The following XKR6 variants were observed in gnomAD, a reference collection of about 807,000 sequenced individuals.
The protein encoded by XKR6 is XK related 6.
In XKR6, 22 loss-of-function variants were observed where a neutral mutation model predicts 56.7. The ratio of observed to expected loss-of-function variants is 0.39; its 90% CI spans 0.28 to 0.55. The LOEUF is 0.55. Among genes scored for constraint, XKR6 ranks in the 20% least tolerant of loss-of-function variants. The pLI is 0.66. For missense variants in XKR6, 852 were observed against 889.0 expected, an observed-to-expected ratio of 0.96 and a Z score of 0.53; for synonymous variants, 524 against 387.8, an observed-to-expected ratio of 1.35 and a Z score of -4.13.
At chr8:11,113,527 TAAAC>T (rs557000043) in intron 1 of XKR6, among the ~76,000 whole-genome samples, 58 of 151,794 alleles carry the variant, frequency 3.8e-4, no homozygotes, top group Non-Finnish European at 5.9e-4. Flanking sequence ...AAAAGTAAAA[TAAAC>T]AAACACACAC....
intron 1 of XKR6, among the ~76,000 whole-genome samples, chr8:10,929,772 G>A (rs1029782642): frequency 6.6e-6 from 1 of 152,210 alleles, no homozygotes; most frequent in Admixed American, 6.5e-5. Flanking sequence ...ATGCCTGTGA[G>A]CACAGACAGG....
intron 1 of XKR6, among the ~76,000 whole-genome samples, chr8:11,118,529 C>T (rs1320870613): frequency 9.2e-5 from 14 of 152,244 alleles, no homozygotes; most frequent in African/African-American, 3.1e-4. Flanking sequence ...TTCCTGGTTT[C>T]GTCCTGGGAG....
intron 2 of XKR6, among the ~76,000 whole-genome samples, chr8:10,907,398 A>T (rs1472062185): frequency 2.6e-5 from 4 of 152,178 alleles, no homozygotes; most frequent in Admixed American, 6.5e-5. Context: ...TAGTAAGTTC[A>T]ATAACAGTGA....
Position 11,043,084 on chromosome 8 carries a change from G to A in XKR6, c.765-118254C>T, listed in dbSNP as rs73543304. Among the ~76,000 whole-genome samples the A allele has an allele frequency of 4.6e-3, 706 of 152,262 alleles. 3 individuals carry two copies. The highest frequency in any genetic ancestry group is 0.016 in the African/African-American group (645 of 41,538). On this transcript the variant is annotated intron_variant, in intron 1 of 2. Coordinates refer to ENST00000416569, the MANE Select transcript of XKR6 (RefSeq NM_173683.4). ...GGTCCTGGTTGGAGACCTCCACAGA[G>A]TACTCAGAACACGCAGGGCTCCCTA... is the stretch of plus-strand genomic sequence containing the variant.
At chr8:11,011,660 G>A (rs1798501370) in intron 1 of XKR6, among the ~76,000 whole-genome samples, 1 of 152,328 alleles carries the variant, frequency 6.6e-6, no homozygotes, top group East Asian at 1.9e-4. Flanking sequence ...TGCAGAGAAG[G>A]ATAGAGCAGG....
chr8:11,066,015 CT>C (rs766099847), intron 1 of XKR6, among the ~76,000 whole-genome samples: 1 of 152,252 alleles, frequency 6.6e-6, no homozygotes, highest in Non-Finnish European at 1.5e-5. Flanking sequence ...GCTCTGCATT[CT>C]CTGAAGTCCC....
rs769476186 is a variant in XKR6 at position 10,898,247 on chromosome 8, G to C, written c.1631C>G (p.Thr544Ser). ...CTCCTGTTGTTCCGTTACGGCTCTG[G>C]TGGGCGTAACCTGGGTCCCCCGGTA... is the stretch of plus-strand genomic sequence containing the variant. ...PGYRGTQVTP[T>S]RAVTEQQEDL... The change falls in exon 3 of 3, where the codon ACC becomes AGC. Residue 544 changes from threonine (T) to serine (S), a missense_variant. Coordinates refer to ENST00000416569, the MANE Select transcript of XKR6 (RefSeq NM_173683.4). This position sits in a 1 kb window ranked among gnomAD's most constrained non-coding sequence, Gnocchi z 6.6. 1.9e-6 allele frequency: 3 copies of C among 1,614,150 alleles called. No homozygotes were observed. Among genetic ancestry groups the C allele is most frequent in the Non-Finnish European group, 2.5e-6 (3 of 1,180,014 alleles).
At chr8:10,941,666 C>T (rs1366857070) in intron 1 of XKR6, among the ~76,000 whole-genome samples, 1 of 152,206 alleles carries the variant, frequency 6.6e-6, no homozygotes, top group African/African-American at 2.4e-5. Context: ...TCAGCCCCAG[C>T]CTCCTGACCT....
intron 1 of XKR6, among the ~76,000 whole-genome samples, chr8:11,178,873 G>A (rs1180342557): frequency 6.6e-6 from 1 of 151,240 alleles, no homozygotes; most frequent in East Asian, 1.9e-4. Context: ...TCTCACTCAG[G>A]CACCCAGGTT....
chr8:11,023,897 C>T (rs546330769), intron 1 of XKR6, among the ~76,000 whole-genome samples: 2 of 152,232 alleles, frequency 1.3e-5, no homozygotes, highest in South Asian at 4.1e-4. Flanking sequence ...CCAAAGACTC[C>T]GGAATGAGGA....
chr8:10,939,043 C>T lies in XKR6; in HGVS notation c.765-14213G>A, dbSNP rs552403233. 4.0e-4 allele frequency among the ~76,000 whole-genome samples: 61 copies of T among 152,278 alleles called. 1 individual carries two copies. Among genetic ancestry groups the T allele is most frequent in the African/African-American group, 1.4e-3 (57 of 41,532 alleles). The stretch of plus-strand genomic sequence containing the variant: ...GTCCCCGAACACTATCTGCAAGGAC[C>T]TTTTCCTGCTTCTCCCAGGACCTGC... On this transcript the variant is annotated intron_variant, in intron 1 of 2. Transcript: ENST00000416569.
At chr8:11,115,520 T>C (rs540201649) in intron 1 of XKR6, among the ~76,000 whole-genome samples, 6 of 152,368 alleles carry the variant, frequency 3.9e-5, no homozygotes, top group African/African-American at 1.2e-4. Context: ...CATTAAATAT[T>C]ATTCATAAAT....
chr8:10,940,644 C>G (rs990813766), intron 1 of XKR6, among the ~76,000 whole-genome samples: 1 of 152,200 alleles, frequency 6.6e-6, no homozygotes. Context: ...CACCCTCCTC[C>G]TGGGGCTCCC....
intron 1 of XKR6, among the ~76,000 whole-genome samples, chr8:10,950,759 G>A (rs927701505): frequency 6.6e-6 from 1 of 152,198 alleles, no homozygotes; most frequent in African/African-American, 2.4e-5. Context: ...CCCTTGGCTT[G>A]CTGGCCAAAC....
intron 1 of XKR6, among the ~76,000 whole-genome samples, chr8:11,061,073 T>C (rs1799821675): frequency 6.6e-6 from 1 of 152,138 alleles, no homozygotes; most frequent in East Asian, 1.9e-4. Flanking sequence ...GTCTGCCAGC[T>C]CTGGATGAAA....
intron 1 of XKR6, among the ~76,000 whole-genome samples, chr8:10,956,670 A>AGCGGCT (rs1554515454): frequency 2.6e-5 from 4 of 152,016 alleles, no homozygotes; most frequent in African/African-American, 9.7e-5. Flanking sequence ...TTAGGAGAAC[A>AGCGGCT]GCGGATGTCA....
rs553645400 is a variant in XKR6, at chr8:10,942,129, C to G, written c.765-17299G>C. 6.6e-5 allele frequency among the ~76,000 whole-genome samples: 10 copies of G among 152,278 alleles called. 1 individual carries two copies. The Middle Eastern group carries it at 0.01, about 155-fold the overall frequency. ...TCTCACACATACACACAACCGCACC[C>G]ATACACACACCTCCCACATGAACAC... On this transcript the variant is annotated intron_variant, in intron 1 of 2. Coordinates refer to ENST00000416569, the MANE Select transcript of XKR6 (RefSeq NM_173683.4).
intron 1 of XKR6, among the ~76,000 whole-genome samples, chr8:11,103,044 T>C (rs533634593): frequency 1.2e-4 from 18 of 152,208 alleles, no homozygotes; most frequent in Non-Finnish European, 1.9e-4. Context: ...TGCCAGAATT[T>C]AAGATTGATA....
At chr8:10,939,710 A>T (rs536902324) in intron 1 of XKR6, among the ~76,000 whole-genome samples, 1 of 152,342 alleles carries the variant, frequency 6.6e-6, no homozygotes, top group East Asian at 1.9e-4. Flanking sequence ...TCCTGCCCTA[A>T]TGCAGAGCTC....
Sources: allele counts gnomAD v4.1 joint callset (sites outside exome capture counted in the v4.1 genomes callset), GRCh38; gene constraint gnomAD v4.1.1; non-coding constraint Gnocchi (gnomAD v3.1); transcripts MANE v1.5; gene names NCBI Gene and HGNC (gene_info 2026-07-23, HGNC 2026-07-21).